Variants in CEP104 observed in about 807,000 individuals in gnomAD.
CEP104 encodes centrosomal protein of 104 kDa.
In CEP104, 84 loss-of-function variants were observed where a neutral mutation model predicts 113.3. The observed-to-expected ratio is 0.74, with a 90% CI of 0.62 to 0.89. CEP104 has a LOEUF of 0.89. CEP104 is among the 40% of genes least tolerant of loss of function. CEP104 has a pLI of 0.00. For synonymous variants in CEP104, 378 were observed against 421.7 expected (o/e 0.90, Z 1.27); for missense variants, 1,053 against 1,156.6 (o/e 0.91, Z 1.30).
At chr1:3,830,601 G>A (rs187166775) in intron 13 of CEP104, among the ~76,000 whole-genome samples, 3 of 151,826 alleles carry the variant, frequency 2.0e-5, no homozygotes, top group African/African-American at 4.8e-5. Context: ...GTGAAACCCC[G>A]TCTCTACTAA....
intron 9 of CEP104, 83 bp from the exon 10 acceptor site, chr1:3,836,775 C>T (rs753179733): frequency 8.4e-7 from 1 of 1,190,038 alleles, no homozygotes; most frequent in African/African-American, 1.5e-5. Flanking sequence ...GGCAGGCTTA[C>T]TGCGCTTACT....
chr1:3,819,870 G>C lies in CEP104; in HGVS notation c.2571+3304C>G, dbSNP rs1643937937. On this transcript the variant is annotated intron_variant, in intron 20 of 21. Coordinates refer to ENST00000378230, the MANE Select transcript of CEP104 (RefSeq NM_014704.4). The surrounding 1 kb of genome is among the most constrained non-coding windows in gnomAD (Gnocchi z 4.6). The stretch of plus-strand genomic sequence containing the variant: ...GCCTCGAGGAAGTGAGCTGCCAGCA[G>C]AGAGGCCCCCGGTGCTGACGGTGGG... Among the ~76,000 whole-genome samples the C allele has an allele frequency of 6.6e-6, 1 of 152,236 alleles. No homozygotes were observed. The highest frequency in any genetic ancestry group is 1.5e-5 in the Non-Finnish European group (1 of 68,040).
rs771769043 is a variant in CEP104, at chr1:3,815,431, T to C, written c.2749A>G (p.Ser917Gly). Residue 917 changes from serine (S) to glycine (G), a missense_variant, in exon 22 of 22, where the codon AGC becomes GGC. Transcript: ENST00000378230. ...IPTPKGGLSK[S>G]SSRTYAKR ...CGCTTGGCGTACGTCCTGCTGGAGC[T>C]CTTGCTCAGTCCGCCCTTCGGGGTG... 9.9e-6 allele frequency: 16 copies of C among 1,613,010 alleles called. No individual in the cohort carries two copies. The African/African-American group carries it at 1.9e-4, about 19-fold the overall frequency.
intron 8 of CEP104, among the ~76,000 whole-genome samples, chr1:3,837,991 A>G (rs1454521622): frequency 6.6e-6 from 1 of 152,234 alleles, no homozygotes; most frequent in Non-Finnish European, 1.5e-5. Context: ...TAGGCATGGT[A>G]CTGAGTGTTT....
chr1:3,837,141 A>G (rs1025554117), intron 9 of CEP104, 151 bp downstream of exon 9: 3 of 634,292 alleles, frequency 4.7e-6, no homozygotes, highest in African/African-American at 1.8e-5. Flanking sequence ...CTATGCTCTC[A>G]CTCAGCACTA....
intron 4 of CEP104, among the ~76,000 whole-genome samples, chr1:3,846,344 G>A (rs1334998044): frequency 6.6e-6 from 1 of 152,098 alleles, no homozygotes; most frequent in African/African-American, 2.4e-5. Flanking sequence ...AAATGCAAAG[G>A]TTCAAGACAG....
At chr1:3,850,859 T>C (rs1422826401) in intron 2 of CEP104, among the ~76,000 whole-genome samples, 2 of 152,218 alleles carry the variant, frequency 1.3e-5, no homozygotes, top group Non-Finnish European at 1.5e-5. Context: ...AAGAGAACCA[T>C]ACTGGTGTGA....
chr1:3,837,584 T>C, intron 8 of CEP104, 65 bp from the exon 9 acceptor site: 1 of 1,341,348 alleles, frequency 7.5e-7, no homozygotes, highest in Non-Finnish European at 1.1e-6. Context: ...TCTATCTCAT[T>C]CCTTCAGATG....
At chr1:3,817,654 G>A (rs377602680) in intron 20 of CEP104, among the ~76,000 whole-genome samples, 13 of 152,298 alleles carry the variant, frequency 8.5e-5, no homozygotes, top group South Asian at 6.2e-4. Context: ...GGCACATGGG[G>A]TGCAGTTGCT....
intron 20 of CEP104, chr1:3,822,893 A>C: frequency 2.6e-6 from 1 of 392,086 alleles, no homozygotes; most frequent in Non-Finnish European, 4.6e-6. Context: ...CCAGAACAAA[A>C]TAAAACCATT....
intron 10 of CEP104, among the ~76,000 whole-genome samples, chr1:3,835,857 A>G (rs907192127): frequency 1.3e-4 from 20 of 152,244 alleles, no homozygotes; most frequent in African/African-American, 4.8e-4. Flanking sequence ...TGTTTCACAT[A>G]ATTTATAATT....
In CEP104 at chr1:3,839,615, A is replaced by C. The variant is rs1373916784; in HGVS notation, c.728T>G (p.Leu243Trp). Residue 243 changes from leucine to tryptophan, a missense_variant, in exon 7 of 22, where the codon TTG becomes TGG. Transcript: ENST00000378230. ...AKKLKQAIAD[L>W]QKVGERLGRY... ...TTTCTCCAAAGGCAATACCTTTTGC[A>C]AATCAGCAATGGCTTGTTTTAGTTT... The C allele has an allele frequency of 3.7e-6, 6 of 1,611,738 alleles. No homozygotes were observed. The Admixed American group carries it at 5.0e-5, about 14-fold the overall frequency.
intron 5 of CEP104, 114 bp downstream of exon 5, chr1:3,845,175 C>G: frequency 1.1e-6 from 1 of 884,088 alleles, no homozygotes; most frequent in Admixed American, 2.3e-5. Flanking sequence ...AAGTTATTCA[C>G]TAGTCAATTT....
intron 15 of CEP104, 45 bp from the exon 16 acceptor site, chr1:3,826,789 T>C (rs1204953025): frequency 1.2e-5 from 18 of 1,548,328 alleles, no homozygotes; most frequent in Non-Finnish European, 1.5e-5. Flanking sequence ...GGCTGCAGTG[T>C]GAGTGAGTGA....
intron 2 of CEP104, among the ~76,000 whole-genome samples, chr1:3,848,982 A>G (rs1340142154): frequency 6.6e-6 from 1 of 152,136 alleles, no homozygotes; most frequent in Non-Finnish European, 1.5e-5. Flanking sequence ...GAAGCTGGGA[A>G]TTGAAATTTG....
intron 4 of CEP104, 128 bp downstream of exon 4, chr1:3,847,346 AG>A (rs1644525947): frequency 2.1e-6 from 2 of 959,336 alleles, no homozygotes; most frequent in Non-Finnish European, 3.1e-6. Context: ...CAGAGAGCTC[AG>A]CAGTCTCCCA....
chr1:3,835,120 G>A (rs2124668861), intron 10 of CEP104, 28 bp from the exon 11 acceptor site: 2 of 1,599,760 alleles, frequency 1.3e-6, no homozygotes, highest in Non-Finnish European at 1.7e-6. Context: ...GCATTTCATG[G>A]CATCACACAA....
intron 7 of CEP104, 105 bp from the exon 8 acceptor site, chr1:3,839,224 G>C: frequency 9.9e-7 from 1 of 1,007,388 alleles, no homozygotes; most frequent in Admixed American, 1.8e-5. Context: ...CAAGGAGAGG[G>C]AGTGAGCACA....
chr1:3,823,119 G>T lies in CEP104; in HGVS notation c.2571+55C>A, dbSNP rs1447677938. On this transcript the variant is annotated intron_variant, in intron 20 of 21. Transcript: ENST00000378230. The surrounding 1 kb of genome is among the most constrained non-coding windows in gnomAD (Gnocchi z 4.1). ...TGACACCACCACTGTCACCACCACT[G>T]CCATCCACAGGTGTGTCACCTACTT... 1 of 1,524,328 alleles carries T rather than the reference G, an allele frequency of 6.6e-7. No homozygotes were observed. The highest frequency in any genetic ancestry group is 1.1e-5 in the South Asian group (1 of 89,382). The allele number at this position is 1,524,328 out of a possible 1,614,324, so 94.4% of individuals were successfully genotyped here. A position where few individuals can be genotyped will look rare whatever the true frequency, so the allele number is the denominator to read the frequency against.
Sources: allele counts gnomAD v4.1 joint callset (sites outside exome capture counted in the v4.1 genomes callset), GRCh38; gene constraint gnomAD v4.1.1; non-coding constraint Gnocchi (gnomAD v3.1); transcripts MANE v1.5; gene names NCBI Gene and HGNC (gene_info 2026-07-23, HGNC 2026-07-21).